The following SHOC2 variants were observed in gnomAD, a reference collection of about 807,000 sequenced individuals.
SHOC2 encodes the protein leucine-rich repeat protein SHOC-2.
Under a neutral mutation model 50.2 loss-of-function variants are expected in SHOC2, and 4 were observed. The observed-to-expected ratio is 0.08, with a 90% confidence interval of 0.04 to 0.18. SHOC2 has a LOEUF of 0.18. Ranked by LOEUF, SHOC2 falls within the 10% of genes least tolerant of loss-of-function variation. SHOC2 has a pLI of 1.00. For missense variants in SHOC2, 388 were observed against 669.6 expected (o/e 0.58, Z 4.64); for synonymous variants, 218 against 244.5 (o/e 0.89, Z 1.01).
At chr10:110,947,044 C>G (rs1441826197) in intron 1 of SHOC2, among the ~76,000 whole-genome samples, 1 of 152,154 alleles carries the variant, frequency 6.6e-6, no homozygotes, top group African/African-American at 2.4e-5. Flanking sequence ...ATAGATACAA[C>G]AAATGATGCA....
At chr10:110,968,757 C>T (rs965725714) in intron 2 of SHOC2, among the ~76,000 whole-genome samples, 13 of 151,930 alleles carry the variant, frequency 8.6e-5, no homozygotes, top group Admixed American at 6.6e-4. Context: ...GCTATGATTG[C>T]GCCACCGGAC....
chr10:110,960,197 T>C (rs557692586), intron 1 of SHOC2, among the ~76,000 whole-genome samples: 1 of 152,276 alleles, frequency 6.6e-6, no homozygotes, highest in South Asian at 2.1e-4. Flanking sequence ...TTTGGTAAAG[T>C]TTTATTGAAA....
At chr10:110,976,430 G>T (rs1847879780) in intron 2 of SHOC2, among the ~76,000 whole-genome samples, 1 of 151,202 alleles carries the variant, frequency 6.6e-6, no homozygotes. Context: ...TTCCTCCTCA[G>T]CCTCCCGAGT....
At chr10:110,945,001 A>G (rs1231692089) in intron 1 of SHOC2, among the ~76,000 whole-genome samples, 3 of 152,192 alleles carry the variant, frequency 2.0e-5, no homozygotes, top group Non-Finnish European at 4.4e-5. Context: ...GAGCATGTAC[A>G]CAGCCTTAGG....
chr10:110,955,759 A>G (rs1210368751), intron 1 of SHOC2, among the ~76,000 whole-genome samples: 3 of 152,234 alleles, frequency 2.0e-5, no homozygotes, highest in East Asian at 3.8e-4. Flanking sequence ...CTTTTTTACT[A>G]AAGTACATTG....
chr10:110,924,352 C>T (rs1187808750), intron 1 of SHOC2, among the ~76,000 whole-genome samples: 1 of 152,186 alleles, frequency 6.6e-6, no homozygotes, highest in African/African-American at 2.4e-5. Context: ...TTAAGACTCA[C>T]ACTGCACGTA....
intron 1 of SHOC2, chr10:110,937,010 G>T: frequency 1.3e-6 from 2 of 1,482,590 alleles, no homozygotes; most frequent in Non-Finnish European, 1.9e-6. Flanking sequence ...GGGGCTGGGG[G>T]CCCGGAAGTG....
At chr10:110,966,669 T>G (rs1353529472) in intron 2 of SHOC2, among the ~76,000 whole-genome samples, 2 of 152,132 alleles carry the variant, frequency 1.3e-5, no homozygotes, top group African/African-American at 2.4e-5. Context: ...TACTAAAAAG[T>G]GAATGTATCT....
intron 3 of SHOC2, among the ~76,000 whole-genome samples, chr10:110,990,891 CTATGTATA>C (rs1848174528): frequency 6.6e-6 from 1 of 152,164 alleles, no homozygotes; most frequent in Admixed American, 6.5e-5. Context: ...TGTTTAGTCA[CTATGTATA>C]TCTTAGGATA....
At position 111,012,845 on chromosome 10, in the gene SHOC2, A is replaced by G. The variant is rs1266166977; in HGVS notation, c.*1027A>G. ...TGCAATGTATGTATGTTTCAAGGTT[A>G]TTTAACAGTGTACTATGGTTTTATA... On this transcript the variant is annotated 3_prime_UTR_variant, in exon 9 of 9. Coordinates refer to ENST00000369452, the MANE Select transcript of SHOC2 (RefSeq NM_007373.4). 3.3e-5 allele frequency: 5 copies of G among 152,630 alleles called. No individual in the cohort carries two copies. The highest frequency in any genetic ancestry group is 6.5e-5 in the Admixed American group (1 of 15,282). The allele number at this position is 152,630 out of a possible 1,614,324, so 9.5% of individuals were successfully genotyped here. A position where few individuals can be genotyped will look rare whatever the true frequency, so the allele number is the denominator to read the frequency against.
In SHOC2 at chr10:110,940,908, G is replaced by GA. The variant is rs1419333880; in HGVS notation, c.-235+21251_-235+21252insA. Reference sequence around the variant, plus strand: ...AAGACAAAATAGTGGTATTTGTGGTGGGTTTTTTTTTTTTTTTTTTTTTTT... The same window carrying GA: ...AAGACAAAATAGTGGTATTTGTGGTGAGGTTTTTTTTTTTTTTTTTTTTTTT... On this transcript the variant is annotated intron_variant, in intron 1 of 8. Transcript: ENST00000369452. Among the ~76,000 whole-genome samples the GA allele has an allele frequency of 3.2e-3, 20 of 6,166 alleles. 1 individual carries two copies. In the South Asian group the frequency reaches 0.073, roughly 22 times the overall value. The allele number at this position is 6,166 out of a possible 152,430, so 4.0% of individuals were successfully genotyped here.
At chr10:110,935,976 G>A (rs1257182871) in intron 1 of SHOC2, among the ~76,000 whole-genome samples, 2 of 151,918 alleles carry the variant, frequency 1.3e-5, no homozygotes, top group East Asian at 3.9e-4. Flanking sequence ...TTAGATGGCT[G>A]AACTTTATCA....
chr10:110,952,913 A>G (rs746317788), intron 1 of SHOC2, among the ~76,000 whole-genome samples: 13 of 152,266 alleles, frequency 8.5e-5, no homozygotes, highest in Non-Finnish European at 1.6e-4. Context: ...TTGTGACTGC[A>G]TAGTATTCCA....
At chr10:110,930,018 T>G (rs771627927) in intron 1 of SHOC2, among the ~76,000 whole-genome samples, 4 of 152,162 alleles carry the variant, frequency 2.6e-5, no homozygotes, top group Admixed American at 6.5e-5. Context: ...ATCCTTAAAT[T>G]GAGTATGGCT....
chr10:110,969,970 G>A (rs989737014), intron 2 of SHOC2, among the ~76,000 whole-genome samples: 1 of 152,140 alleles, frequency 6.6e-6, no homozygotes, highest in African/African-American at 2.4e-5. Flanking sequence ...TATACAATGT[G>A]TGATAATGAA....
At position 110,920,576 on chromosome 10, in the gene SHOC2, A is replaced by G. The variant is rs996314536; in HGVS notation, c.-235+919A>G. Among the ~76,000 whole-genome samples, 55 of 151,040 alleles carry G rather than the reference A, an allele frequency of 3.6e-4. 3 individuals carry two copies. Among genetic ancestry groups the G allele is most frequent in the Non-Finnish European group, 7.4e-5 (5 of 67,678 alleles). The stretch of plus-strand genomic sequence containing the variant: ...TTTCTTTAAGCAGGCAGTTTGTGTT[A>G]TTGTGGAATTATGGATTTACAAACA... On this transcript the variant is annotated intron_variant, in intron 1 of 8. Transcript: ENST00000369452.
chr10:110,926,040 C>T (rs1428815376), intron 1 of SHOC2, among the ~76,000 whole-genome samples: 2 of 152,172 alleles, frequency 1.3e-5, no homozygotes, highest in Non-Finnish European at 2.9e-5. Flanking sequence ...CTACCTCATG[C>T]ACTCTTCATG....
chr10:110,991,198 A>C (rs1227285634), intron 3 of SHOC2, among the ~76,000 whole-genome samples: 1 of 152,214 alleles, frequency 6.6e-6, no homozygotes, highest in Non-Finnish European at 1.5e-5. Flanking sequence ...TAAAGTACTG[A>C]AATGAATAAT....
intron 1 of SHOC2, among the ~76,000 whole-genome samples, chr10:110,962,828 C>G: frequency 6.6e-6 from 1 of 152,316 alleles, no homozygotes; most frequent in South Asian, 2.1e-4. Flanking sequence ...ATGCTTTTCT[C>G]AACCATTCTC....
Sources: allele counts gnomAD v4.1 joint callset (sites outside exome capture counted in the v4.1 genomes callset), GRCh38; gene constraint gnomAD v4.1.1; transcripts MANE v1.5; gene names NCBI Gene and HGNC (gene_info 2026-07-23, HGNC 2026-07-21).